The following TTN variants were observed in gnomAD, a reference collection of about 807,000 sequenced individuals.
TTN encodes the protein titin.
In TTN, 1,525 loss-of-function variants were observed where a neutral mutation model predicts 3,223.0. That is an observed-to-expected ratio of 0.47 (90% CI 0.45 to 0.49). The LOEUF (loss-of-function observed/expected upper bound fraction) is 0.49, where lower values mean the gene tolerates loss of function less well. Among genes scored for constraint, TTN ranks in the 20% least tolerant of loss-of-function variants. TTN has a pLI of 0.00. For missense variants in TTN, 40,786 were observed against 43,424.0 expected, an observed-to-expected ratio of 0.94 and a Z score of 5.40; for synonymous variants, 14,094 against 15,161.0, an observed-to-expected ratio of 0.93 and a Z score of 5.17.
chr2:178,767,544 G>C (rs112943273), intron 40 of TTN, among the ~76,000 whole-genome samples: 8 of 152,138 alleles, frequency 5.3e-5, no homozygotes, highest in African/African-American at 1.9e-4. Flanking sequence ...TTTAATTAAC[G>C]TATTTAGACA....
rs1695288601 is a variant in TTN, at chr2:178,542,914, T to C, written c.96940A>G (p.Lys32314Glu). The C allele has an allele frequency of 3.7e-6, 6 of 1,611,750 alleles. No homozygotes were observed. Among genetic ancestry groups the C allele is most frequent in the African/African-American group, 2.7e-5 (2 of 75,004 alleles). ...PTIDLSTMPQ[K>E]TIHVPAGRPV... ...CTGCCAGCTGGGACATGGATGGTCT[T>C]CTGAGGCATTGTAGAAAGATCGATT... Residue 32314 changes from lysine (K) to glutamate (E), a missense_variant, in exon 348 of 363, where the codon AAG (lysine) becomes GAG (glutamate). Coordinates refer to ENST00000589042, the MANE Select transcript of TTN (RefSeq NM_001267550.2).
rs191011418 is a variant in TTN at position 178,544,664 on chromosome 2, C to T, written c.95723-158G>A. On this transcript the variant is annotated intron_variant, in intron 344 of 362. Coordinates refer to ENST00000589042, the MANE Select transcript of TTN (RefSeq NM_001267550.2). ...GGGCTCCTGATATTATAGGACAGCA[C>T]AGAGTGCCACATTATAATTTAATAT... 3.9e-5 allele frequency among the ~76,000 whole-genome samples: 6 copies of T among 152,304 alleles called. No individual in the cohort carries two copies. The East Asian group carries it at 1.2e-3, about 29-fold the overall frequency.
At position 178,680,077 on chromosome 2, in the gene TTN, G is replaced by A. The variant is rs781456073; in HGVS notation, c.33419-22C>T. 13 of 1,608,918 alleles carry A rather than the reference G, an allele frequency of 8.1e-6. 1 individual carries two copies. The highest frequency in any genetic ancestry group is 5.4e-5 in the African/African-American group (4 of 74,420). On this transcript the variant is annotated intron_variant, in intron 139 of 362. Transcript: ENST00000589042. ...GGCACTTTAAAGATATTATCTTTAAGTTGGACATTTGCCAATGACTCAACA... is the reference window on the plus strand; with the variant it reads ...GGCACTTTAAAGATATTATCTTTAAATTGGACATTTGCCAATGACTCAACA...
Position 178,606,686 on chromosome 2 carries a change from G to A in TTN, c.53581+335C>T, listed in dbSNP as rs563916463. Among the ~76,000 whole-genome samples the A allele has an allele frequency of 9.7e-4, 147 of 151,918 alleles. 1 individual carries two copies. Among genetic ancestry groups the A allele is most frequent in the African/African-American group, 3.4e-3 (141 of 41,450 alleles). On this transcript the variant is annotated intron_variant, in intron 278 of 362. Coordinates refer to ENST00000589042, the MANE Select transcript of TTN (RefSeq NM_001267550.2). ...ACATTGAATTCTCTTTAACTACTAC[G>A]CTAGTAAGTTTTAAAAACCCGACTT... is the stretch of plus-strand genomic sequence containing the variant.
chr2:178,537,357 C>G lies in TTN; in HGVS notation c.99850G>C (p.Asp33284His). The change falls in exon 355 of 363, where the codon GAT becomes CAT. Residue 33284 changes from aspartate to histidine, a missense_variant. Coordinates refer to ENST00000589042, the MANE Select transcript of TTN (RefSeq NM_001267550.2). Reference sequence around the variant, plus strand: ...AATAAAATACCTTGTATTTCCACATCAAGGATGGCATCAACTGTTCCAAAA... The same window carrying G: ...AATAAAATACCTTGTATTTCCACATGAAGGATGGCATCAACTGTTCCAAAA... ...NVFGTVDAIL[D>H]VEIQDKPDKP... 1 of 1,560,234 alleles carries G rather than the reference C, an allele frequency of 6.4e-7. No individual in the cohort carries two copies. Among genetic ancestry groups the G allele is most frequent in the Non-Finnish European group, 8.7e-7 (1 of 1,154,416 alleles).
intron 127 of TTN, among the ~76,000 whole-genome samples, chr2:178,685,989 G>A (rs1219211403): frequency 1.3e-5 from 2 of 152,078 alleles, no homozygotes; most frequent in East Asian, 3.9e-4. Flanking sequence ...AAACATACTT[G>A]AGGATTTAAG....
rs1064797277 is a variant in TTN, at chr2:178,707,601, C to T, written c.28966G>A (p.Asp9656Asn). Residue 9656 changes from aspartate (D) to asparagine (N), a missense_variant, in exon 100 of 363, where the codon GAT (aspartate) becomes AAT (asparagine). Asp to Asn is a conservative substitution (Grantham distance 23). Coordinates refer to ENST00000589042, the MANE Select transcript of TTN (RefSeq NM_001267550.2). ...VLELRDVAKA[D>N]SGDYVCKASN... Reference sequence around the variant, plus strand: ...GCTTTACACACATAATCTCCCGAATCTGCTTTAGCCACATCTCTGAGTTCC... The same window carrying T: ...GCTTTACACACATAATCTCCCGAATTTGCTTTAGCCACATCTCTGAGTTCC... 1.2e-6 allele frequency: 2 copies of T among 1,613,900 alleles called. No homozygotes were observed. Among genetic ancestry groups the T allele is most frequent in the African/African-American group, 1.3e-5 (1 of 75,054 alleles).
Position 178,733,608 on chromosome 2 carries a change from A to G in TTN, c.15775+6T>C. ...CAATTTGAGGTTTAAATGTTCCTAC[A>G]CAAACCTTTAACTATTAATTCCCCA... On this transcript the variant is annotated splice_donor_region_variant and intron_variant, in intron 53 of 362. Transcript: ENST00000589042. The G allele has an allele frequency of 6.2e-7, 1 of 1,607,538 alleles. No homozygotes were observed. Among genetic ancestry groups the G allele is most frequent in the Non-Finnish European group, 8.5e-7 (1 of 1,175,316 alleles).
rs1297074430 is a variant in TTN at position 178,789,999 on chromosome 2, T to C, written c.1917A>G (p.Gln639=). Residue 639 remains glutamine, a synonymous_variant, in exon 12 of 363, where the codon CAA becomes CAG. Coordinates refer to ENST00000589042, the MANE Select transcript of TTN (RefSeq NM_001267550.2). ...TCACCTTCTCCTGAGTTATTTGCAC[T>C]TGTTCTCTTTTGGTAGTAATGCCTT... ...GREGITTKRE[Q]VQITQEKMRK... 1 of 1,613,176 alleles carries C rather than the reference T, an allele frequency of 6.2e-7. No individual in the cohort carries two copies. The highest frequency in any genetic ancestry group is 2.2e-5 in the East Asian group (1 of 44,700).
chr2:178,712,055 C>T lies in TTN; in HGVS notation c.27775G>A (p.Val9259Ile), dbSNP rs2076736013. 4 of 1,613,808 alleles carry T rather than the reference C, an allele frequency of 2.5e-6. No homozygotes were observed. Among genetic ancestry groups the T allele is most frequent in the Non-Finnish European group, 3.4e-6 (4 of 1,179,768 alleles). ...ACCTGGTTGAAAACCAGTGTAGCAA[C>T]ATTATTCCTAAAATGCATTTTGTAA... ...TTYKMHFRNN[V>I]ATLVFNQVDI... The change falls in exon 96 of 363, where the codon GTT becomes ATT. Residue 9259 changes from valine to isoleucine, a missense_variant. Val to Ile is a conservative substitution (Grantham distance 29). Coordinates refer to ENST00000589042, the MANE Select transcript of TTN (RefSeq NM_001267550.2).
rs2056978022 is a variant in TTN at position 178,614,703 on chromosome 2, T to C, written c.48811A>G (p.Lys16271Glu). 6.2e-7 allele frequency: 1 copy of C among 1,611,942 alleles called. No individual in the cohort carries two copies. Among genetic ancestry groups the C allele is most frequent in the Non-Finnish European group, 8.5e-7 (1 of 1,178,956 alleles). ...DVKLLAGLTV[K>E]AGTKIELPAT... Reference sequence around the variant, plus strand: ...GGAAGTTCAATCTTGGTCCCAGCTTTTACAGTGAGACCAGCAAGGAGCTTC... The same window carrying C: ...GGAAGTTCAATCTTGGTCCCAGCTTCTACAGTGAGACCAGCAAGGAGCTTC... Residue 16271 changes from lysine to glutamate, a missense_variant, in exon 261 of 363, where the codon AAA becomes GAA. Physicochemically the swap from Lys to Glu is moderately conservative, Grantham distance 56. Transcript: ENST00000589042.
rs16866535 is a variant in TTN at position 178,790,468 on chromosome 2, C to T, written c.1800+240G>A. ...GAATTGACTTGTTTACGGACATCTG[C>T]TTCAATAGGAAGATATTAAAGTGAA... On this transcript the variant is annotated intron_variant, in intron 11 of 362. Transcript: ENST00000589042. Among the ~76,000 whole-genome samples, 986 of 152,246 alleles carry T rather than the reference C, an allele frequency of 6.5e-3. 29 individuals are homozygous for T. In the East Asian group the frequency reaches 0.11, roughly 18 times the overall value.
At chr2:178,725,072 T>C (rs1189069258) in intron 71 of TTN, 4 of 315,566 alleles carry the variant, frequency 1.3e-5, no homozygotes, top group Non-Finnish European at 1.7e-5. Flanking sequence ...ATTACTCTTG[T>C]AGCACATGCT....
At position 178,625,379 on chromosome 2, in the gene TTN, T is replaced by A; in HGVS notation, c.44442A>T (p.Glu14814Asp). 6.3e-7 allele frequency: 1 copy of A among 1,581,606 alleles called. No homozygotes were observed. The highest frequency in any genetic ancestry group is 8.6e-7 in the Non-Finnish European group (1 of 1,167,822). ...EPSDKVVPRSEGKVHTLTLRD... is the reference protein window; with the variant it reads ...EPSDKVVPRSDGKVHTLTLRD... ...TCAGAGTAAGTGTATGAACTTTTCCTTCTGAACGTGGGACCACCTAGTTGT... is the reference window on the plus strand; with the variant it reads ...TCAGAGTAAGTGTATGAACTTTTCCATCTGAACGTGGGACCACCTAGTTGT... Residue 14814 changes from glutamate to aspartate, a missense_variant, in exon 241 of 363, where the codon GAA becomes GAT. Transcript: ENST00000589042.
Position 178,575,282 on chromosome 2 carries a change from C to G in TTN, c.70850G>C (p.Arg23617Thr). Residue 23617 changes from arginine (R) to threonine (T), a missense_variant, in exon 326 of 363, where the codon AGA becomes ACA. Coordinates refer to ENST00000589042, the MANE Select transcript of TTN (RefSeq NM_001267550.2). The surrounding 1 kb of genome is among the most constrained non-coding windows in gnomAD (Gnocchi z 4.0). ...CTTGACAATGACGGGTCTGCTTTCT[C>G]TAGGGGCACTTCTCCCCGCGCTGTT... ...AVNSAGRSAP[R>T]ESRPVIVKEQ... 6.2e-7 allele frequency: 1 copy of G among 1,613,388 alleles called. No individual in the cohort carries two copies. The highest frequency in any genetic ancestry group is 8.5e-7 in the Non-Finnish European group (1 of 1,179,612).
rs754742503 is a variant in TTN at position 178,575,477 on chromosome 2, G to A, written c.70655C>T (p.Ala23552Val). The change falls in exon 326 of 363, where the codon GCA becomes GTA. Residue 23552 changes from alanine to valine, a missense_variant. Physicochemically the swap from Ala to Val is moderately conservative, Grantham distance 64. Transcript: ENST00000589042. The surrounding 1 kb of genome is among the most constrained non-coding windows in gnomAD (Gnocchi z 4.0). ...ACCATCGTGTTTGGGCTTAGGCCAT[G>A]CCAGGCTGACGGTGCTCTTAGTTAT... is the stretch of plus-strand genomic sequence containing the variant. ...MDITKSTVSL[A>V]WPKPKHDGGS... 10 of 1,613,548 alleles carry A rather than the reference G, an allele frequency of 6.2e-6. No individual in the cohort carries two copies. The South Asian group carries it at 9.9e-5, about 16-fold the overall frequency.
rs745497694 is a variant in TTN at position 178,584,390 on chromosome 2, A to C, written c.65161T>G (p.Cys21721Gly). ...TCAAGACCTTCTACAAGGCCAGCACAAGGATATTCAGTTGACCGGACAAGA... is the reference window on the plus strand; with the variant it reads ...TCAAGACCTTCTACAAGGCCAGCACCAGGATATTCAGTTGACCGGACAAGA... ...DTLVRSTEYP[C>G]AGLVEGLEYS... The change falls in exon 311 of 363, where the codon TGT (cysteine) becomes GGT (glycine). Residue 21721 changes from cysteine (C) to glycine (G), a missense_variant. Cys to Gly is a radical substitution (Grantham distance 159). Transcript: ENST00000589042. 1 of 1,613,350 alleles carries C rather than the reference A, an allele frequency of 6.2e-7. No homozygotes were observed. The highest frequency in any genetic ancestry group is 1.7e-5 in the Admixed American group (1 of 59,990).
chr2:178,584,238 T>TA (rs755985077), intron 311 of TTN, 38 bp downstream of exon 311: 1 of 1,503,982 alleles, frequency 6.6e-7, no homozygotes, highest in African/African-American at 1.4e-5. Flanking sequence ...TCCATAATAC[T>TA]AAAACAACAA....
At position 178,707,535 on chromosome 2, in the gene TTN, T is replaced by C; in HGVS notation, c.29032A>G (p.Thr9678Ala). The stretch of plus-strand genomic sequence containing the variant: ...TTTGAGGTGTCTGTACCTTTAATGG[T>C]CACTTTTGATTTGGTAGTGTCACTT... Reference protein sequence around the residue: ...AGSDTTKSKVTIKDKPAVAPA... With the variant: ...AGSDTTKSKVAIKDKPAVAPA... Residue 9678 changes from threonine (T) to alanine (A), a missense_variant, in exon 100 of 363, where the codon ACC becomes GCC. Thr to Ala is a moderately conservative substitution (Grantham distance 58). Transcript: ENST00000589042. The C allele has an allele frequency of 1.9e-6, 3 of 1,612,602 alleles. No homozygotes were observed. The highest frequency in any genetic ancestry group is 2.5e-6 in the Non-Finnish European group (3 of 1,178,814).
Sources: allele counts gnomAD v4.1 joint callset (sites outside exome capture counted in the v4.1 genomes callset), GRCh38; gene constraint gnomAD v4.1.1; non-coding constraint Gnocchi (gnomAD v3.1); transcripts MANE v1.5; gene names NCBI Gene and HGNC (gene_info 2026-07-23, HGNC 2026-07-21).